The following CACNB4 variants were observed in gnomAD, a reference collection of about 807,000 sequenced individuals.
CACNB4 encodes voltage-dependent L-type calcium channel subunit beta-4.
Under a neutral mutation model 71.2 loss-of-function variants are expected in CACNB4, and 32 were observed. The observed-to-expected ratio is 0.45, with a 90% confidence interval of 0.34 to 0.60. The LOEUF is 0.60. CACNB4 is among the 20% of genes least tolerant of loss of function. CACNB4 has a pLI of 0.01. For synonymous variants in CACNB4, 231 were observed against 236.9 expected, an observed-to-expected ratio of 0.97 and a Z score of 0.23; for missense variants, 464 against 647.9, an observed-to-expected ratio of 0.72 and a Z score of 3.08.
intron 2 of CACNB4, among the ~76,000 whole-genome samples, chr2:152,096,251 A>G (rs1284709388): frequency 6.6e-6 from 1 of 152,094 alleles, no homozygotes; most frequent in Non-Finnish European, 1.5e-5. Flanking sequence ...TGGGAGGATG[A>G]GGTGGGCAGA....
intron 2 of CACNB4, among the ~76,000 whole-genome samples, chr2:151,892,351 G>A (rs2099850917): frequency 1.3e-5 from 2 of 151,198 alleles, no homozygotes; most frequent in East Asian, 1.9e-4. Context: ...GTAGCTTCAG[G>A]CAATCACTTG....
intron 2 of CACNB4, among the ~76,000 whole-genome samples, chr2:151,964,087 A>AAT (rs1553795672): frequency 6.6e-6 from 1 of 151,008 alleles, no homozygotes; most frequent in Non-Finnish European, 1.5e-5. Flanking sequence ...AAAAAAAAAA[A>AAT]AAAGAATGTT....
chr2:151,930,669 A>T (rs1222369450), intron 2 of CACNB4, among the ~76,000 whole-genome samples: 1 of 151,850 alleles, frequency 6.6e-6, no homozygotes, highest in Non-Finnish European at 1.5e-5. Context: ...GTAGATCTAG[A>T]AGTACTGATA....
chr2:152,077,645 C>T (rs1364566591), intron 2 of CACNB4, among the ~76,000 whole-genome samples: 3 of 152,058 alleles, frequency 2.0e-5, no homozygotes, highest in African/African-American at 4.8e-5. Context: ...GCAGGAGAAA[C>T]GCCTGAACCT....
chr2:152,035,089 C>T (rs1006081331), intron 2 of CACNB4, among the ~76,000 whole-genome samples: 1 of 152,136 alleles, frequency 6.6e-6, no homozygotes, highest in South Asian at 2.1e-4. Flanking sequence ...CCCAAACCTC[C>T]GGGCAGGAGA....
In CACNB4 at chr2:151,836,588, T is replaced by G. The variant is rs1376495106; in HGVS notation, c.*2531A>C. The stretch of plus-strand genomic sequence containing the variant: ...ATATACATTATACCCTTTCCAAGAT[T>G]GTCAGCTTTTGAATAAGAATGCAAA... On this transcript the variant is annotated 3_prime_UTR_variant, in exon 14 of 14. Coordinates refer to ENST00000539935, the MANE Select transcript of CACNB4 (RefSeq NM_000726.5). 1 of 151,936 alleles carries G rather than the reference T, an allele frequency of 6.6e-6. No homozygotes were observed. The highest frequency in any genetic ancestry group is 2.4e-5 in the African/African-American group (1 of 41,442). 9.4% of individuals were successfully genotyped at this position (151,936 alleles called of 1,614,324 possible).
intron 3 of CACNB4, among the ~76,000 whole-genome samples, chr2:151,881,343 T>C (rs2099847789): frequency 6.6e-6 from 1 of 152,124 alleles, no homozygotes; most frequent in Admixed American, 6.6e-5. Flanking sequence ...AAATAGTATT[T>C]TTTAAATAGT....
At chr2:152,047,232 A>G (rs922524876) in intron 2 of CACNB4, among the ~76,000 whole-genome samples, 3 of 152,186 alleles carry the variant, frequency 2.0e-5, no homozygotes, top group Non-Finnish European at 4.4e-5. Flanking sequence ...TTTTTCAGAA[A>G]CCCAAACCCT....
chr2:152,042,932 C>T (rs72998994), intron 2 of CACNB4, among the ~76,000 whole-genome samples: 9,489 of 152,134 alleles, frequency 0.062, 972 homozygotes, highest in African/African-American at 0.22. Flanking sequence ...TGGAGAGGAG[C>T]GTGACCTCTG....
intron 2 of CACNB4, among the ~76,000 whole-genome samples, chr2:151,963,615 G>T (rs1054516525): frequency 1.3e-5 from 2 of 151,994 alleles, no homozygotes; most frequent in Admixed American, 1.3e-4. Context: ...AACTAAATTG[G>T]TTTTTTTCTG....
At chr2:152,030,115 T>C (rs1684199902) in intron 2 of CACNB4, among the ~76,000 whole-genome samples, 1 of 152,228 alleles carries the variant, frequency 6.6e-6, no homozygotes, top group Non-Finnish European at 1.5e-5. Flanking sequence ...TTCTTTTTTT[T>C]TTCTGATTAC....
At chr2:152,088,196 A>C (rs1036251076) in intron 2 of CACNB4, among the ~76,000 whole-genome samples, 1 of 150,712 alleles carries the variant, frequency 6.6e-6, no homozygotes, top group Non-Finnish European at 1.5e-5. Context: ...GCAAATTAAA[A>C]AGCAGTGACT....
In CACNB4 at chr2:151,891,455, T is replaced by C. The variant is rs115649393; in HGVS notation, c.148-8085A>G. 1.0e-2 allele frequency among the ~76,000 whole-genome samples: 1,519 copies of C among 152,334 alleles called. 22 individuals carry two copies. Among genetic ancestry groups the C allele is most frequent in the African/African-American group, 0.034 (1,430 of 41,568 alleles). On this transcript the variant is annotated intron_variant, in intron 2 of 13. Transcript: ENST00000539935. Reference sequence around the variant, plus strand: ...TGGTAGCAAGAGGGTAGATTCCTTTTGTTAGGTTGAATCATGAAATTGCAA... The same window carrying C: ...TGGTAGCAAGAGGGTAGATTCCTTTCGTTAGGTTGAATCATGAAATTGCAA...
intron 2 of CACNB4, among the ~76,000 whole-genome samples, chr2:151,964,069 G>GAAAAAAAAA (rs397825547): frequency 3.0e-5 from 3 of 99,230 alleles, no homozygotes; most frequent in Middle Eastern, 7.2e-3. Context: ...CTGTCTCACA[G>GAAAAAAAAA]AAAAAAAAAA....
intron 2 of CACNB4, among the ~76,000 whole-genome samples, chr2:151,890,367 A>C (rs933018244): frequency 6.6e-6 from 1 of 152,174 alleles, no homozygotes; most frequent in African/African-American, 2.4e-5. Flanking sequence ...TGTTAAAGGG[A>C]AGCGGAAGAG....
chr2:151,848,075 T>C (rs1029605547), intron 12 of CACNB4, among the ~76,000 whole-genome samples: 1 of 152,222 alleles, frequency 6.6e-6, no homozygotes, highest in African/African-American at 2.4e-5. Flanking sequence ...CGCCCCTCCA[T>C]CTGTCCATTC....
At chr2:151,997,691 C>T (rs1319870491) in intron 2 of CACNB4, among the ~76,000 whole-genome samples, 2 of 152,118 alleles carry the variant, frequency 1.3e-5, no homozygotes, top group Non-Finnish European at 2.9e-5. Flanking sequence ...AAATTCTCCC[C>T]CAGAGCCTTC....
intron 2 of CACNB4, among the ~76,000 whole-genome samples, chr2:152,036,949 G>A (rs780120232): frequency 8.3e-4 from 127 of 152,190 alleles, no homozygotes; most frequent in Non-Finnish European, 1.6e-3. Flanking sequence ...CTAGAAAGCA[G>A]CTATCATGAA....
At chr2:151,917,266 G>A (rs1380753929) in intron 2 of CACNB4, among the ~76,000 whole-genome samples, 4 of 152,120 alleles carry the variant, frequency 2.6e-5, no homozygotes, top group African/African-American at 9.7e-5. Context: ...CTGCCAATTT[G>A]GAAGGCACCG....
Sources: gnomAD v4.1 joint callset for allele counts (sites outside exome capture counted in the v4.1 genomes callset) on GRCh38, gnomAD v4.1.1 for gene constraint, MANE v1.5 for transcripts, NCBI Gene and HGNC (gene_info 2026-07-23, HGNC 2026-07-21) for gene names.